The following FRMD5 variants were observed in gnomAD, a reference collection of about 807,000 sequenced individuals.
The protein encoded by FRMD5 is FERM domain containing 5.
A neutral mutation model predicts 69.0 loss-of-function variants in FRMD5; 20 were observed. That is an observed-to-expected ratio of 0.29 (90% CI 0.20 to 0.42). The LOEUF is 0.42. Among genes scored for constraint, FRMD5 ranks in the 10% least tolerant of loss-of-function variants. The pLI is 1.00. For synonymous variants in FRMD5, 271 were observed against 260.1 expected (o/e 1.04, Z -0.40); for missense variants, 595 against 708.6 (o/e 0.84, Z 1.82).
In FRMD5 at chr15:43,889,020, C is replaced by T. The variant is rs145507315; in HGVS notation, c.729-148G>A. The T allele has an allele frequency of 6.2e-3, 4,121 of 663,958 alleles. 24 individuals are homozygous for T. The highest frequency in any genetic ancestry group is 8.4e-3 in the Non-Finnish European group (3,124 of 373,804). The allele number at this position is 663,958 out of a possible 1,614,324, so 41.1% of individuals were successfully genotyped here. On this transcript the variant is annotated intron_variant, in intron 8 of 13. Transcript: ENST00000417257. ...AATCAGAACTGAAACAAGACAGCAGCGCAGTGGCCTTAGAGAATGTTGTTG... is the reference window on the plus strand; with the variant it reads ...AATCAGAACTGAAACAAGACAGCAGTGCAGTGGCCTTAGAGAATGTTGTTG...
chr15:43,907,436 C>G (rs1362735234), intron 5 of FRMD5, among the ~76,000 whole-genome samples: 6 of 152,004 alleles, frequency 3.9e-5, no homozygotes, highest in African/African-American at 1.5e-4. Flanking sequence ...GTGGCATGAT[C>G]ATAGCTCACT....
chr15:44,138,779 G>A (rs954890601), intron 1 of FRMD5, among the ~76,000 whole-genome samples: 4 of 151,890 alleles, frequency 2.6e-5, no homozygotes, highest in African/African-American at 9.7e-5. Flanking sequence ...TGATTATGAT[G>A]AAAAGAAAAG....
At chr15:44,169,259 C>T (rs568428303) in intron 1 of FRMD5, among the ~76,000 whole-genome samples, 4 of 152,144 alleles carry the variant, frequency 2.6e-5, no homozygotes, top group African/African-American at 9.6e-5. Flanking sequence ...TCAGGGTATG[C>T]TATACCCTAT....
At chr15:43,966,548 G>A (rs1289418787) in intron 1 of FRMD5, among the ~76,000 whole-genome samples, 2 of 152,122 alleles carry the variant, frequency 1.3e-5, no homozygotes, top group Non-Finnish European at 2.9e-5. Flanking sequence ...GAGATTACAT[G>A]GTCTGGAAGG....
intron 1 of FRMD5, among the ~76,000 whole-genome samples, chr15:43,944,242 C>T (rs2089907981): frequency 6.6e-6 from 1 of 152,254 alleles, no homozygotes; most frequent in Non-Finnish European, 1.5e-5. Flanking sequence ...CAGGGCATCA[C>T]ATGATCATGG....
At chr15:44,093,722 T>G (rs1431767305) in intron 1 of FRMD5, among the ~76,000 whole-genome samples, 1 of 151,708 alleles carries the variant, frequency 6.6e-6, no homozygotes, top group African/African-American at 2.4e-5. Flanking sequence ...ACAGGTGCCC[T>G]CCACCATGCC....
At chr15:44,044,251 C>T (rs921863296) in intron 1 of FRMD5, among the ~76,000 whole-genome samples, 42 of 152,228 alleles carry the variant, frequency 2.8e-4, no homozygotes, top group Non-Finnish European at 4.7e-4. Flanking sequence ...GAATGGCGAT[C>T]ATTAAAAAGT....
intron 1 of FRMD5, among the ~76,000 whole-genome samples, chr15:44,095,206 CTTTTT>C (rs112078242): frequency 1.4e-5 from 2 of 142,970 alleles, no homozygotes; most frequent in African/African-American, 5.1e-5. Context: ...CAATTTCTTT[CTTTTT>C]TTTTTTTTTG....
At chr15:44,108,405 G>A (rs1341170476) in intron 1 of FRMD5, among the ~76,000 whole-genome samples, 1 of 152,202 alleles carries the variant, frequency 6.6e-6, no homozygotes, top group Non-Finnish European at 1.5e-5. Context: ...AGCACTTTGG[G>A]AGGCCAAGGC....
Position 43,935,460 on chromosome 15 carries a change from G to A in FRMD5, c.103-11151C>T, listed in dbSNP as rs979777354. ...GATCGTGCCATTGCAACTCCAGCCCGGGCGGCAAGAGTGAAACTCTGTCTC... is the reference window on the plus strand; with the variant it reads ...GATCGTGCCATTGCAACTCCAGCCCAGGCGGCAAGAGTGAAACTCTGTCTC... On this transcript the variant is annotated intron_variant, in intron 1 of 13. Coordinates refer to ENST00000417257, the MANE Select transcript of FRMD5 (RefSeq NM_032892.5). Among the ~76,000 whole-genome samples, 7 of 152,292 alleles carry A rather than the reference G, an allele frequency of 4.6e-5. No individual in the cohort carries two copies. The South Asian group carries it at 8.3e-4, about 18-fold the overall frequency.
chr15:44,087,772 TCA>T (rs1894263865), intron 1 of FRMD5, among the ~76,000 whole-genome samples: 2 of 150,804 alleles, frequency 1.3e-5, no homozygotes, highest in Non-Finnish European at 2.9e-5. Context: ...ATCATCATCA[TCA>T]TCATCATCAT....
upstream of FRMD5, among the ~76,000 whole-genome samples, chr15:44,198,965 C>G (rs987024317): frequency 1.3e-5 from 2 of 152,186 alleles, no homozygotes; most frequent in Non-Finnish European, 2.9e-5. Flanking sequence ...TTTTCCTTCT[C>G]TACTATGAGG....
intron 9 of FRMD5, 69 bp downstream of exon 9, chr15:43,888,740 T>C (rs982005459): frequency 1.5e-6 from 2 of 1,376,624 alleles, no homozygotes; most frequent in Middle Eastern, 1.8e-4. Context: ...TCCCTCAAGC[T>C]TGGCTCTGGC....
chr15:43,963,762 T>C (rs983937765), intron 1 of FRMD5, among the ~76,000 whole-genome samples: 7 of 152,114 alleles, frequency 4.6e-5, no homozygotes, highest in Non-Finnish European at 1.0e-4. Flanking sequence ...TGTAGGGACA[T>C]GGATGAAGCT....
At chr15:44,100,134 G>A (rs2140523295) in intron 1 of FRMD5, among the ~76,000 whole-genome samples, 1 of 149,090 alleles carries the variant, frequency 6.7e-6, no homozygotes, top group South Asian at 2.1e-4. Flanking sequence ...ACTCACTGCA[G>A]CTTCCACCTC....
chr15:44,181,752 A>T (rs1177925178), intron 1 of FRMD5, among the ~76,000 whole-genome samples: 4 of 152,064 alleles, frequency 2.6e-5, no homozygotes, highest in Admixed American at 2.6e-4. Flanking sequence ...AGAAAATTTT[A>T]AAAATTAGCT....
intron 4 of FRMD5, among the ~76,000 whole-genome samples, chr15:43,915,911 G>A (rs2089378106): frequency 6.6e-6 from 1 of 152,194 alleles, no homozygotes; most frequent in Non-Finnish European, 1.5e-5. Flanking sequence ...AATTACGGAT[G>A]TTGAGTGAGG....
At chr15:44,029,637 A>C (rs770292865) in intron 1 of FRMD5, among the ~76,000 whole-genome samples, 1 of 152,218 alleles carries the variant, frequency 6.6e-6, no homozygotes, top group African/African-American at 2.4e-5. Context: ...ATGGTAACTA[A>C]AACACAAGGC....
chr15:44,018,383 G>A (rs1165809494), intron 1 of FRMD5, among the ~76,000 whole-genome samples: 1 of 152,090 alleles, frequency 6.6e-6, no homozygotes, highest in East Asian at 1.9e-4. Context: ...GTAAAGTGTC[G>A]AGCTACTCTT....
Sources: allele counts gnomAD v4.1 joint callset (sites outside exome capture counted in the v4.1 genomes callset), GRCh38; gene constraint gnomAD v4.1.1; transcripts MANE v1.5; gene names NCBI Gene and HGNC (gene_info 2026-07-23, HGNC 2026-07-21).